Variants in CUX2 observed in about 807,000 individuals in gnomAD.
CUX2 encodes homeobox protein cut-like 2.
CUX2 carries 40 observed loss-of-function variants against 144.8 expected under a neutral mutation model. The ratio of observed to expected loss-of-function variants is 0.28; its 90% CI spans 0.21 to 0.36. CUX2 has a LOEUF of 0.36. Among genes scored for constraint, CUX2 ranks in the 10% least tolerant of loss-of-function variants. The probability of loss-of-function intolerance (pLI) is 1.00; values close to 1 mark genes in which losing one functional copy is unlikely to be tolerated. For synonymous variants in CUX2, 827 were observed against 875.6 expected, an observed-to-expected ratio of 0.94 and a Z score of 0.98; for missense variants, 1,615 against 1,994.0, an observed-to-expected ratio of 0.81 and a Z score of 3.62.
chr12:111,171,192 C>G lies in CUX2; in HGVS notation c.64-43008C>G, dbSNP rs927667936. Among the ~76,000 whole-genome samples, 1 of 152,100 alleles carries G rather than the reference C, an allele frequency of 6.6e-6. No homozygotes were observed. Among genetic ancestry groups the G allele is most frequent in the African/African-American group, 2.4e-5 (1 of 41,382 alleles). ...ATGGAGAAGTTGGGCAACCCCCAGT[C>G]TGATGGACGGGGTGCAGAGTATGGA... On this transcript the variant is annotated intron_variant, in intron 1 of 21. Coordinates refer to ENST00000261726, the MANE Select transcript of CUX2 (RefSeq NM_015267.4). The surrounding 1 kb of genome is among the most constrained non-coding windows in gnomAD (Gnocchi z 5.0).
rs545350671 is a variant in CUX2, at chr12:111,246,222, C to T, written c.223-17539C>T. Among the ~76,000 whole-genome samples the T allele has an allele frequency of 2.4e-4, 36 of 152,286 alleles. 1 individual carries two copies. Among genetic ancestry groups the T allele is most frequent in the South Asian group, 2.3e-3 (11 of 4,824 alleles). Reference sequence around the variant, plus strand: ...ACACAGAGATTCATATAGTGAACGCCACCATCAGTGACACTGATTGCATGA... The same window carrying T: ...ACACAGAGATTCATATAGTGAACGCTACCATCAGTGACACTGATTGCATGA... On this transcript the variant is annotated intron_variant, in intron 3 of 21. Transcript: ENST00000261726. This position sits in a 1 kb window ranked among gnomAD's most constrained non-coding sequence, Gnocchi z 4.0.
chr12:111,182,909 A>G (rs1879280027), intron 1 of CUX2, among the ~76,000 whole-genome samples: 1 of 152,176 alleles, frequency 6.6e-6, no homozygotes, highest in Non-Finnish European at 1.5e-5. Context: ...GTCTCGTTCA[A>G]TAATCGGAAT....
intron 19 of CUX2, 150 bp from the exon 20 acceptor site, chr12:111,338,136 G>A: frequency 1.3e-6 from 1 of 741,042 alleles, no homozygotes; most frequent in Non-Finnish European, 2.1e-6. Flanking sequence ...TCAGGTGTGG[G>A]TCCTCCGCCG....
At chr12:111,184,671 C>T (rs1434382946) in intron 1 of CUX2, among the ~76,000 whole-genome samples, 6 of 147,200 alleles carry the variant, frequency 4.1e-5, no homozygotes. Context: ...GTAGTAGAAT[C>T]ACTGGAGGCC....
chr12:111,322,284 C>T lies in CUX2; in HGVS notation c.2767-137C>T, dbSNP rs1887573405. On this transcript the variant is annotated intron_variant, in intron 17 of 21. Coordinates refer to ENST00000261726, the MANE Select transcript of CUX2 (RefSeq NM_015267.4). This position sits in a 1 kb window ranked among gnomAD's most constrained non-coding sequence, Gnocchi z 4.2. Reference sequence around the variant, plus strand: ...AGTGAGCTGAGATGGTGCCACTGCACTCCATCCTGGGCGACAGACAAAGCG... The same window carrying T: ...AGTGAGCTGAGATGGTGCCACTGCATTCCATCCTGGGCGACAGACAAAGCG... 5.1e-6 allele frequency: 5 copies of T among 971,488 alleles called. No homozygotes were observed. The Admixed American group carries it at 1.2e-4, about 23-fold the overall frequency. 60.2% of individuals were successfully genotyped at this position (971,488 alleles called of 1,614,324 possible). A position where few individuals can be genotyped will look rare whatever the true frequency, so the allele number is the denominator to read the frequency against.
chr12:111,344,675 G>A (rs538418128), intron 21 of CUX2, among the ~76,000 whole-genome samples: 1 of 152,230 alleles, frequency 6.6e-6, no homozygotes, highest in Admixed American at 6.5e-5. Context: ...GGAGGGATTG[G>A]AGGGGAGGGT....
intron 21 of CUX2, among the ~76,000 whole-genome samples, chr12:111,345,267 G>A (rs954983708): frequency 6.6e-6 from 1 of 150,614 alleles, no homozygotes; most frequent in Non-Finnish European, 1.5e-5. Context: ...GGCCAACGTG[G>A]TGAAACCCTG....
chr12:111,205,840 T>A (rs1001762759), intron 1 of CUX2, among the ~76,000 whole-genome samples: 7 of 152,318 alleles, frequency 4.6e-5, no homozygotes, highest in African/African-American at 1.7e-4. Context: ...CCGGGCTCTT[T>A]AGGGGTCTCT....
intron 1 of CUX2, among the ~76,000 whole-genome samples, chr12:111,123,929 A>T (rs992600702): frequency 6.6e-6 from 1 of 152,222 alleles, no homozygotes; most frequent in African/African-American, 2.4e-5. Context: ...AAACACAGCA[A>T]AAGTCAGAGC....
intron 4 of CUX2, among the ~76,000 whole-genome samples, chr12:111,267,277 C>A (rs1333555720): frequency 6.6e-6 from 1 of 151,974 alleles, no homozygotes; most frequent in Non-Finnish European, 1.5e-5. Flanking sequence ...CATCCCCGGC[C>A]CACAGAATCA....
Position 111,219,199 on chromosome 12 carries a change from G to A in CUX2, c.222+1262G>A, listed in dbSNP as rs181927178. On this transcript the variant is annotated intron_variant, in intron 3 of 21. Transcript: ENST00000261726. ...CAATAACTGGATTTACACAAATGTC[G>A]CTGATTTCCATATTTTTCATCCTTT... Among the ~76,000 whole-genome samples the A allele has an allele frequency of 5.8e-4, 89 of 152,216 alleles. 1 individual carries two copies. The highest frequency in any genetic ancestry group is 2.1e-3 in the African/African-American group (86 of 41,520).
chr12:111,249,357 A>G (rs1414912053), intron 3 of CUX2, among the ~76,000 whole-genome samples: 1 of 149,934 alleles, frequency 6.7e-6, no homozygotes, highest in Non-Finnish European at 1.5e-5. Flanking sequence ...GATTCACTGA[A>G]CTGACATGAT....
At chr12:111,230,443 G>A (rs1445613961) in intron 3 of CUX2, among the ~76,000 whole-genome samples, 1 of 152,106 alleles carries the variant, frequency 6.6e-6, no homozygotes, top group East Asian at 1.9e-4. Context: ...CCACCTCCAT[G>A]TCCCAGACCT....
At chr12:111,154,204 C>A (rs1053730111) in intron 1 of CUX2, among the ~76,000 whole-genome samples, 1 of 152,060 alleles carries the variant, frequency 6.6e-6, no homozygotes, top group African/African-American at 2.4e-5. Context: ...CTCGCTGGGG[C>A]TCTCGGTGAA....
At chr12:111,095,290 C>A (rs536745986) in intron 1 of CUX2, among the ~76,000 whole-genome samples, 1 of 152,210 alleles carries the variant, frequency 6.6e-6, no homozygotes, top group South Asian at 2.1e-4. Context: ...AAAACCCCAT[C>A]TCTACAAAAA....
chr12:111,336,950 G>A (rs1456083023), intron 19 of CUX2, among the ~76,000 whole-genome samples: 1 of 151,912 alleles, frequency 6.6e-6, no homozygotes, highest in African/African-American at 2.4e-5. Flanking sequence ...CGAGGCGGGA[G>A]GACTGTTGGA....
intron 1 of CUX2, among the ~76,000 whole-genome samples, chr12:111,135,888 A>G (rs545819420): frequency 6.6e-6 from 1 of 152,348 alleles, no homozygotes; most frequent in East Asian, 1.9e-4. Context: ...CTGAAAGTAG[A>G]TAGAGGCAAT....
chr12:111,297,557 G>A (rs1024863928), intron 8 of CUX2, among the ~76,000 whole-genome samples: 2 of 152,242 alleles, frequency 1.3e-5, no homozygotes, highest in East Asian at 1.9e-4. Context: ...GACTGTCCCC[G>A]CTCCCCAGCT....
At position 111,304,472 on chromosome 12, in the gene CUX2, G is replaced by A. The variant is rs1271203670; in HGVS notation, c.858+158G>A. ...ATGTGTGTGGGTCTCTGTGCATACG[G>A]TGAGCATAATCACTATGACCTGCTA... On this transcript the variant is annotated intron_variant, in intron 10 of 21. Transcript: ENST00000261726. This position sits in a 1 kb window ranked among gnomAD's most constrained non-coding sequence, Gnocchi z 4.7. Among the ~76,000 whole-genome samples the A allele has an allele frequency of 2.0e-5, 3 of 152,166 alleles. No individual in the cohort carries two copies. The highest frequency in any genetic ancestry group is 4.4e-5 in the Non-Finnish European group (3 of 68,018).
Sources: allele counts gnomAD v4.1 joint callset (sites outside exome capture counted in the v4.1 genomes callset), GRCh38; gene constraint gnomAD v4.1.1; non-coding constraint Gnocchi (gnomAD v3.1); transcripts MANE v1.5; gene names NCBI Gene and HGNC (gene_info 2026-07-23, HGNC 2026-07-21).